THSD7B: variants seen among roughly 807,000 people sequenced by gnomAD.
THSD7B encodes thrombospondin type 1 domain containing 7B.
A neutral mutation model predicts 213.6 loss-of-function variants in THSD7B; 138 were observed. The observed-to-expected ratio is 0.65, with a 90% CI of 0.56 to 0.74. THSD7B has a LOEUF of 0.74. Ranked by LOEUF, THSD7B falls within the 30% of genes least tolerant of loss-of-function variation. The pLI, the probability that THSD7B is intolerant of heterozygous loss-of-function variation, is 0.00. For missense variants in THSD7B, 1,931 were observed against 1,991.5 expected (o/e 0.97, Z 0.58); for synonymous variants, 742 against 687.0 (o/e 1.08, Z -1.25).
chr2:137,191,338 T>C (rs1351947546), intron 7 of THSD7B, among the ~76,000 whole-genome samples: 2 of 152,196 alleles, frequency 1.3e-5, no homozygotes, highest in Non-Finnish European at 2.9e-5. Flanking sequence ...AATTTTATTT[T>C]CAAAATTGTA....
At chr2:137,600,610 C>G (rs2375520) in intron 17 of THSD7B, among the ~76,000 whole-genome samples, 2 of 151,858 alleles carry the variant, frequency 1.3e-5, no homozygotes, top group South Asian at 4.1e-4. Flanking sequence ...TAGTGGCACA[C>G]GCCTGTAGTC....
intron 2 of THSD7B, among the ~76,000 whole-genome samples, chr2:136,957,322 A>G (rs895217653): frequency 2.6e-5 from 4 of 152,156 alleles, no homozygotes; most frequent in African/African-American, 9.7e-5. Flanking sequence ...ATGAGCCAAC[A>G]TGGAGGACAA....
intron 4 of THSD7B, among the ~76,000 whole-genome samples, chr2:137,109,555 G>T (rs969841749): frequency 6.6e-6 from 1 of 152,192 alleles, no homozygotes; most frequent in African/African-American, 2.4e-5. Flanking sequence ...CCCATCTGGG[G>T]GTGGTGATGG....
chr2:137,016,411 T>G (rs1184562818), intron 2 of THSD7B, among the ~76,000 whole-genome samples: 1 of 152,170 alleles, frequency 6.6e-6, no homozygotes, highest in Non-Finnish European at 1.5e-5. Flanking sequence ...TCTCTCAAAC[T>G]CCATCTTTTA....
At chr2:136,887,483 G>A (rs1683739575) in intron 2 of THSD7B, among the ~76,000 whole-genome samples, 1 of 152,138 alleles carries the variant, frequency 6.6e-6, no homozygotes, top group Non-Finnish European at 1.5e-5. Context: ...GGGGATCCCT[G>A]AAGAATGGCT....
chr2:137,665,548 T>C (rs975282060), intron 26 of THSD7B, among the ~76,000 whole-genome samples: 1 of 151,988 alleles, frequency 6.6e-6, no homozygotes, highest in Non-Finnish European at 1.5e-5. Flanking sequence ...ATGGTGAGGG[T>C]ATAAATTAGA....
intron 12 of THSD7B, among the ~76,000 whole-genome samples, chr2:137,349,207 A>T (rs1335001798): frequency 6.6e-6 from 1 of 151,716 alleles, no homozygotes; most frequent in African/African-American, 2.4e-5. Flanking sequence ...ATCATATGTA[A>T]GCAATCATGG....
chr2:137,512,450 G>A (rs1056539711), intron 15 of THSD7B, among the ~76,000 whole-genome samples: 2 of 128,244 alleles, frequency 1.6e-5, no homozygotes, highest in Non-Finnish European at 3.1e-5. Flanking sequence ...GGAGAGCAAT[G>A]GCATAATCAC....
chr2:136,873,235 A>G (rs1434580337), intron 1 of THSD7B, among the ~76,000 whole-genome samples: 1 of 152,134 alleles, frequency 6.6e-6, no homozygotes, highest in Admixed American at 6.5e-5. Context: ...ATTACATGAC[A>G]CCAAGCTATT....
intron 12 of THSD7B, among the ~76,000 whole-genome samples, chr2:137,281,103 G>C (rs549204618): frequency 6.6e-6 from 1 of 152,176 alleles, no homozygotes; most frequent in East Asian, 1.9e-4. Flanking sequence ...ACTATCTGTA[G>C]TCTTTTTTGG....
At chr2:137,649,551 A>G (rs765929356) in intron 21 of THSD7B, among the ~76,000 whole-genome samples, 3 of 152,260 alleles carry the variant, frequency 2.0e-5, no homozygotes, top group African/African-American at 7.2e-5. Context: ...TCCCCACTGC[A>G]TGTTCTTGGC....
At chr2:137,387,555 T>C (rs555254004) in intron 12 of THSD7B, among the ~76,000 whole-genome samples, 2 of 152,226 alleles carry the variant, frequency 1.3e-5, no homozygotes, top group African/African-American at 4.8e-5. Flanking sequence ...GGTAAAAATA[T>C]ACAACAAGAA....
intron 12 of THSD7B, among the ~76,000 whole-genome samples, chr2:137,372,323 CTTTT>C (rs55635315): frequency 1.7e-5 from 1 of 57,512 alleles, no homozygotes; most frequent in Admixed American, 3.0e-4. Context: ...TGATAATACT[CTTTT>C]TTTTTTTTTT....
At chr2:137,061,649 G>A (rs1033615402) in intron 3 of THSD7B, among the ~76,000 whole-genome samples, 3 of 151,638 alleles carry the variant, frequency 2.0e-5, no homozygotes, top group Non-Finnish European at 3.0e-5. Context: ...GCCTGTTTAT[G>A]TTATGGATTA....
At chr2:137,265,215 G>T (rs2105087146) in intron 10 of THSD7B, among the ~76,000 whole-genome samples, 1 of 152,248 alleles carries the variant, frequency 6.6e-6, no homozygotes, top group Middle Eastern at 3.4e-3. Context: ...AAGAAAAAAT[G>T]CTCACCATCA....
intron 2 of THSD7B, among the ~76,000 whole-genome samples, chr2:137,054,829 A>AG (rs1687130842): frequency 6.6e-6 from 1 of 151,746 alleles, no homozygotes; most frequent in African/African-American, 2.4e-5. Flanking sequence ...TTTGTTACAT[A>AG]GGTATACATG....
chr2:136,766,361 T>C (rs1437958571), intron 1 of THSD7B, among the ~76,000 whole-genome samples: 1 of 150,252 alleles, frequency 6.7e-6, no homozygotes, highest in African/African-American at 2.4e-5. Context: ...CGTGATATCC[T>C]GCTGTTTGTG....
rs1683389181 is a variant in THSD7B at position 137,663,406 on chromosome 2, G to A, written c.4482G>A (p.Lys1494=). 1.9e-6 allele frequency: 3 copies of A among 1,589,158 alleles called. No homozygotes were observed. Among genetic ancestry groups the A allele is most frequent in the South Asian group, 2.3e-5 (2 of 86,864 alleles). ...AGGGTGGAGTCTGTGGTTGTGAGAA[G>A]GGCTATACAGAGATAATGAAATCAA... ...CTQGGVCGCE[K]GYTEIMKSNG... Residue 1494 remains lysine, a synonymous_variant, in exon 26 of 28, where the codon AAG becomes AAA. Coordinates refer to ENST00000409968, the MANE Select transcript of THSD7B (RefSeq NM_001316349.2).
intron 12 of THSD7B, among the ~76,000 whole-genome samples, chr2:137,294,222 C>G (rs1045816950): frequency 9.9e-5 from 15 of 152,066 alleles, no homozygotes; most frequent in African/African-American, 3.4e-4. Context: ...ACAGGGTAGT[C>G]CTGCCTTAGC....
Sources: gnomAD v4.1 joint callset for allele counts (sites outside exome capture counted in the v4.1 genomes callset) on GRCh38, gnomAD v4.1.1 for gene constraint, MANE v1.5 for transcripts, NCBI Gene and HGNC (gene_info 2026-07-23, HGNC 2026-07-21) for gene names.